HIVEP2: variants seen among roughly 807,000 people sequenced by gnomAD.
The protein encoded by HIVEP2 is transcription factor HIVEP2.
HIVEP2 carries 14 observed loss-of-function variants against 180.7 expected under a neutral mutation model. That is an observed-to-expected ratio of 0.08 (90% CI 0.05 to 0.12). The LOEUF (loss-of-function observed/expected upper bound fraction) is 0.12, where lower values mean the gene tolerates loss of function less well. Among genes scored for constraint, HIVEP2 ranks in the 10% least tolerant of loss-of-function variants. HIVEP2 has a pLI of 1.00. For missense variants in HIVEP2, 2,579 were observed against 3,008.5 expected (o/e 0.86, Z 3.34); for synonymous variants, 1,184 against 1,136.4 (o/e 1.04, Z -0.84).
At chr6:142,830,290 C>T (rs1308902800) in intron 2 of HIVEP2, among the ~76,000 whole-genome samples, 1 of 152,056 alleles carries the variant, frequency 6.6e-6, no homozygotes. Context: ...TGTGTTTGCG[C>T]GTTCCCTAGA....
intron 1 of HIVEP2, among the ~76,000 whole-genome samples, chr6:142,916,580 C>T (rs562256171): frequency 2.0e-5 from 3 of 152,264 alleles, no homozygotes; most frequent in Non-Finnish European, 2.9e-5. Flanking sequence ...TCAAGACATC[C>T]GTTTCTCAGA....
intron 1 of HIVEP2, among the ~76,000 whole-genome samples, chr6:142,914,146 C>A (rs2128431509): frequency 6.6e-6 from 1 of 152,350 alleles, no homozygotes; most frequent in Middle Eastern, 3.4e-3. Flanking sequence ...ACTGACCCTT[C>A]TTGGTGCCCC....
chr6:142,771,460 G>A lies in HIVEP2; in HGVS notation c.3279C>T (p.Ser1093=), dbSNP rs770747294. ...QASFSGSPEI[S]QGEVGMDQSV... is the part of the protein sequence containing the mutation. The stretch of plus-strand genomic sequence containing the variant: ...TCTGATCCATGCCAACCTCGCCCTG[G>A]GAGATTTCTGGGGAGCCACTGAAGG... Residue 1093 remains serine (S), a synonymous_variant, in exon 5 of 10, where the codon TCC becomes TCT. Coordinates refer to ENST00000367603, the MANE Select transcript of HIVEP2 (RefSeq NM_006734.4). The surrounding 1 kb of genome is among the most constrained non-coding windows in gnomAD (Gnocchi z 5.4). 12 of 1,613,398 alleles carry A rather than the reference G, an allele frequency of 7.4e-6. No individual in the cohort carries two copies. Among genetic ancestry groups the A allele is most frequent in the Non-Finnish European group, 3.4e-6 (4 of 1,180,016 alleles).
chr6:142,876,875 C>CACAT (rs1358044484), intron 1 of HIVEP2, among the ~76,000 whole-genome samples: 1 of 151,982 alleles, frequency 6.6e-6, no homozygotes, highest in African/African-American at 2.4e-5. Context: ...CACACACACA[C>CACAT]ACACACAAAC....
chr6:142,776,001 A>G (rs1166453355), intron 4 of HIVEP2, 146 bp downstream of exon 4: 2 of 152,082 alleles, frequency 1.3e-5, no homozygotes, highest in East Asian at 3.8e-4. Flanking sequence ...TCAGTGATTA[A>G]TAAAATGACA....
At chr6:142,826,574 A>G (rs190456402) in intron 2 of HIVEP2, among the ~76,000 whole-genome samples, 60 of 152,352 alleles carry the variant, frequency 3.9e-4, no homozygotes, top group African/African-American at 1.4e-3. Context: ...TACCACTTCA[A>G]TTCTCAAGGA....
rs576888310 is a variant in HIVEP2, at chr6:142,786,715, T to G, written c.-527-3100A>C. ...TAGATGACAGATAAGATAGACATTT[T>G]AAAAATACCCATTGTTAGTGGGGTT... On this transcript the variant is annotated intron_variant, in intron 2 of 9. Coordinates refer to ENST00000367603, the MANE Select transcript of HIVEP2 (RefSeq NM_006734.4). 1.8e-4 allele frequency among the ~76,000 whole-genome samples: 28 copies of G among 152,338 alleles called. No homozygotes were observed. The South Asian group carries it at 5.2e-3, about 28-fold the overall frequency.
intron 1 of HIVEP2, among the ~76,000 whole-genome samples, chr6:142,914,024 T>C (rs1582962501): frequency 6.7e-6 from 1 of 149,746 alleles, no homozygotes; most frequent in African/African-American, 2.5e-5. Context: ...AAAAAGTGCC[T>C]GAGATGTGCT....
intron 1 of HIVEP2, among the ~76,000 whole-genome samples, chr6:142,894,589 G>A (rs1210903884): frequency 1.3e-5 from 2 of 152,144 alleles, no homozygotes; most frequent in Non-Finnish European, 2.9e-5. Flanking sequence ...ACTTTTAACA[G>A]TGAACTTGAC....
Position 142,893,027 on chromosome 6 carries a change from G to A in HIVEP2, c.-641+52072C>T, listed in dbSNP as rs187197950. On this transcript the variant is annotated intron_variant, in intron 1 of 9. Coordinates refer to ENST00000367603, the MANE Select transcript of HIVEP2 (RefSeq NM_006734.4). Reference sequence around the variant, plus strand: ...TGTCTATGGGAAAGGTGAAGATTCCGAAAGCAAATATCCCACTCAATAAAT... The same window carrying A: ...TGTCTATGGGAAAGGTGAAGATTCCAAAAGCAAATATCCCACTCAATAAAT... 3.1e-3 allele frequency among the ~76,000 whole-genome samples: 468 copies of A among 152,284 alleles called. 2 individuals carry two copies. The highest frequency in any genetic ancestry group is 0.011 in the African/African-American group (450 of 41,558).
chr6:142,760,672 A>G lies in HIVEP2; in HGVS notation c.5621-5T>C, dbSNP rs777464431. On this transcript the variant is annotated splice_region_variant and splice_polypyrimidine_tract_variant and intron_variant, in intron 8 of 9. Coordinates refer to ENST00000367603, the MANE Select transcript of HIVEP2 (RefSeq NM_006734.4). The stretch of plus-strand genomic sequence containing the variant: ...TGTGCAAATCTTCCAAATTTTCTGA[A>G]ACAATTAAACAAAGATAATGGAGAT... 34 of 1,577,872 alleles carry G rather than the reference A, an allele frequency of 2.2e-5. No homozygotes were observed. Among genetic ancestry groups the G allele is most frequent in the Non-Finnish European group, 2.8e-5 (33 of 1,161,726 alleles).
At chr6:142,811,568 C>T (rs1375437222) in intron 2 of HIVEP2, among the ~76,000 whole-genome samples, 1 of 152,126 alleles carries the variant, frequency 6.6e-6, no homozygotes, top group Non-Finnish European at 1.5e-5. Flanking sequence ...GAAAAAAGAG[C>T]CATTCTTTTA....
At chr6:142,905,793 G>A (rs1207263470) in intron 1 of HIVEP2, among the ~76,000 whole-genome samples, 2 of 152,176 alleles carry the variant, frequency 1.3e-5, no homozygotes, top group Admixed American at 6.5e-5. Flanking sequence ...ATACAAGTCC[G>A]TAAGAATCCA....
In HIVEP2 at chr6:142,774,901, C is replaced by A; in HGVS notation, c.-163G>T. 2 of 1,483,208 alleles carry A rather than the reference C, an allele frequency of 1.3e-6. No homozygotes were observed. The highest frequency in any genetic ancestry group is 2.8e-5 in the South Asian group (2 of 71,374). 91.9% of individuals were successfully genotyped at this position (1,483,208 alleles called of 1,614,324 possible). A position where few individuals can be genotyped will look rare whatever the true frequency, so the allele number is the denominator to read the frequency against. ...TTTGGAACCTTCCACACGCACACCACAGTCGATGGGCATTAGCTAGTAATG... is the reference window on the plus strand; with the variant it reads ...TTTGGAACCTTCCACACGCACACCAAAGTCGATGGGCATTAGCTAGTAATG... On this transcript the variant is annotated 5_prime_UTR_variant, in exon 5 of 10. Coordinates refer to ENST00000367603, the MANE Select transcript of HIVEP2 (RefSeq NM_006734.4). This position sits in a 1 kb window ranked among gnomAD's most constrained non-coding sequence, Gnocchi z 5.1.
At chr6:142,769,195 C>T (rs1356449818) in intron 5 of HIVEP2, among the ~76,000 whole-genome samples, 1 of 152,202 alleles carries the variant, frequency 6.6e-6, no homozygotes, top group Non-Finnish European at 1.5e-5. Context: ...TCACAATTCC[C>T]TGAATTCCTC....
intron 2 of HIVEP2, among the ~76,000 whole-genome samples, chr6:142,793,629 T>TTTCCTTCTTTCTTTCC (rs60970953): frequency 7.2e-5 from 8 of 111,614 alleles, no homozygotes; most frequent in Non-Finnish European, 1.3e-4. Context: ...CTTCTCTTTC[T>TTTCCTTCTTTCTTTCC]TTCTTTCTTT....
intron 1 of HIVEP2, among the ~76,000 whole-genome samples, chr6:142,912,485 G>A (rs905723367): frequency 2.0e-5 from 3 of 152,022 alleles, no homozygotes; most frequent in African/African-American, 7.2e-5. Context: ...TGATAGCTAC[G>A]TGCACATCCA....
chr6:142,874,543 G>A (rs1320934791), intron 1 of HIVEP2, among the ~76,000 whole-genome samples: 2 of 152,114 alleles, frequency 1.3e-5, no homozygotes, highest in Non-Finnish European at 2.9e-5. Context: ...GTTCAAAAGA[G>A]TTATGACTAT....
rs376857498 is a variant in HIVEP2 at position 142,786,755 on chromosome 6, T to C, written c.-527-3140A>G. 5.3e-5 allele frequency among the ~76,000 whole-genome samples: 8 copies of C among 152,328 alleles called. No individual in the cohort carries two copies. In the South Asian group the frequency reaches 1.7e-3, roughly 32 times the overall value. On this transcript the variant is annotated intron_variant, in intron 2 of 9. Coordinates refer to ENST00000367603, the MANE Select transcript of HIVEP2 (RefSeq NM_006734.4). ...TTAGTGGGGTTGTCTTTTTCCATTC[T>C]CTACTTTTCCAAATTGTTTCAAAAC...
Sources: allele counts gnomAD v4.1 joint callset (sites outside exome capture counted in the v4.1 genomes callset), GRCh38; gene constraint gnomAD v4.1.1; non-coding constraint Gnocchi (gnomAD v3.1); transcripts MANE v1.5; gene names NCBI Gene and HGNC (gene_info 2026-07-23, HGNC 2026-07-21).